CEP63: variants seen among roughly 807,000 people sequenced by gnomAD.
CEP63 encodes centrosomal protein 63, also known as centrosomal protein of 63 kDa.
Under a neutral mutation model 89.1 loss-of-function variants are expected in CEP63, and 84 were observed. The ratio of observed to expected loss-of-function variants is 0.94; its 90% CI spans 0.79 to 1.13. The LOEUF (loss-of-function observed/expected upper bound fraction) is 1.13. Ranked by LOEUF, CEP63 falls within the 50% of genes most tolerant of loss-of-function variation. The pLI is 0.00. For synonymous variants in CEP63, 267 were observed against 272.5 expected (o/e 0.98, Z 0.20); for missense variants, 838 against 813.3 (o/e 1.03, Z -0.37).
chr3:134,603,787 C>T, the CEP63 span: 46 of 1,613,144 alleles, frequency 2.9e-5, no homozygotes, highest in East Asian at 2.2e-4. Context: ...TGGGACATTC[C>T]GGTTGGCAGG....
At chr3:134,698,032 GCA>G in the CEP63 span, among the ~76,000 whole-genome samples, 2 of 152,332 alleles carry the variant, frequency 1.3e-5, no homozygotes, top group African/African-American at 4.8e-5. Flanking sequence ...AAGACTGCGT[GCA>G]CAGTCTTGCC....
chr3:134,669,227 G>A, the CEP63 span, among the ~76,000 whole-genome samples: 1 of 152,048 alleles, frequency 6.6e-6, no homozygotes, highest in Non-Finnish European at 1.5e-5. Flanking sequence ...AGAGGGTTTT[G>A]CCATGTTGCT....
chr3:134,510,448 C>G (rs1559902311), intron 3 of CEP63: 1 of 276,688 alleles, frequency 3.6e-6, no homozygotes, highest in South Asian at 4.8e-5. Flanking sequence ...GTTCACCTAT[C>G]AGCAACACCA....
At chr3:134,760,214 A>G in the CEP63 span, among the ~76,000 whole-genome samples, 3 of 151,346 alleles carry the variant, frequency 2.0e-5, no homozygotes, top group African/African-American at 7.3e-5. Flanking sequence ...GCCCGCCACC[A>G]CGCCCGGCTA....
At chr3:134,675,120 C>T in the CEP63 span, among the ~76,000 whole-genome samples, 1 of 152,196 alleles carries the variant, frequency 6.6e-6, no homozygotes, top group African/African-American at 2.4e-5. Context: ...AGAACTCATA[C>T]TTTACAGTTC....
chr3:134,651,926 T>G, the CEP63 span, among the ~76,000 whole-genome samples: 10 of 152,186 alleles, frequency 6.6e-5, no homozygotes, highest in African/African-American at 2.4e-4. Context: ...CCCACCCTGC[T>G]GGGGGCGTTC....
chr3:134,760,120 G>A, the CEP63 span, among the ~76,000 whole-genome samples: 1 of 147,498 alleles, frequency 6.8e-6, no homozygotes, highest in Non-Finnish European at 1.5e-5. Flanking sequence ...GTGCAGTGGC[G>A]CGATCTCGGC....
chr3:134,749,425 C>G, the CEP63 span, among the ~76,000 whole-genome samples: 1 of 152,096 alleles, frequency 6.6e-6, no homozygotes, highest in African/African-American at 2.4e-5. Context: ...CTGTTGCTTG[C>G]TGCAATGATT....
the CEP63 span, among the ~76,000 whole-genome samples, chr3:134,645,910 T>C: frequency 1.3e-5 from 2 of 152,194 alleles, no homozygotes; most frequent in African/African-American, 2.4e-5. Flanking sequence ...ACCCGGAAGA[T>C]GGTAAAAATA....
At chr3:134,539,555 C>T (rs146295918) in intron 6 of CEP63, among the ~76,000 whole-genome samples, 95 of 152,168 alleles carry the variant, frequency 6.2e-4, no homozygotes, top group African/African-American at 2.2e-3. Context: ...AGAAAACTAT[C>T]TTTTTACAAT....
the CEP63 span, among the ~76,000 whole-genome samples, chr3:134,717,118 A>G: frequency 6.6e-6 from 1 of 152,228 alleles, no homozygotes; most frequent in African/African-American, 2.4e-5. Context: ...TTCTTTCAGG[A>G]CATGGGAATG....
the CEP63 span, chr3:134,651,056 G>A: frequency 6.4e-7 from 1 of 1,552,118 alleles, no homozygotes; most frequent in East Asian, 2.4e-5. Context: ...ACACGGGAGA[G>A]GGCGAGGGCG....
intron 5 of CEP63, 146 bp downstream of exon 5, chr3:134,533,046 A>T (rs965734355): frequency 2.5e-6 from 2 of 809,302 alleles, no homozygotes; most frequent in Admixed American, 2.1e-5. Context: ...AGGGTGATCC[A>T]CCATACATCC....
chr3:134,507,253 T>G lies in CEP63; in HGVS notation c.189T>G (p.Ser63Arg), dbSNP rs1943697971. ...AAATCCGTGAACAGGAACTTAAGAG[T>G]CTTAGGAGTCAGTTGGATGTGACAC... is the stretch of plus-strand genomic sequence containing the variant. ...CLKIREQELK[S>R]LRSQLDVTHK... is the part of the protein sequence containing the mutation. The change falls in exon 3 of 15, where the codon AGT becomes AGG. Residue 63 changes from serine (S) to arginine (R), a missense_variant. Coordinates refer to ENST00000675561, the MANE Select transcript of CEP63 (RefSeq NM_001353108.3). 6.2e-7 allele frequency: 1 copy of G among 1,613,574 alleles called. No individual in the cohort carries two copies. Among genetic ancestry groups the G allele is most frequent in the Non-Finnish European group, 8.5e-7 (1 of 1,179,822 alleles).
rs1560059850 is a variant in CEP63, at chr3:134,562,071, G to T, written c.*536G>T. On this transcript the variant is annotated 3_prime_UTR_variant, in exon 15 of 15. Coordinates refer to ENST00000675561, the MANE Select transcript of CEP63 (RefSeq NM_001353108.3). ...CAGGCTGGTAGTGAATAAGGGGGGGGTGTGCTAAAGAACCTTATCAAGCAG... is the reference window on the plus strand; with the variant it reads ...CAGGCTGGTAGTGAATAAGGGGGGGTTGTGCTAAAGAACCTTATCAAGCAG... The T allele has an allele frequency of 5.0e-6, 5 of 994,428 alleles. No individual in the cohort carries two copies. The highest frequency in any genetic ancestry group is 1.8e-5 in the African/African-American group (1 of 57,134). 61.6% of individuals were successfully genotyped at this position (994,428 alleles called of 1,614,324 possible). A position where few individuals can be genotyped will look rare whatever the true frequency, so the allele number is the denominator to read the frequency against.
At chr3:134,516,862 C>G (rs1946363696) in intron 3 of CEP63, among the ~76,000 whole-genome samples, 2 of 152,186 alleles carry the variant, frequency 1.3e-5, no homozygotes, top group Admixed American at 1.3e-4. Flanking sequence ...GACACAGTAA[C>G]AATCTGATCT....
In CEP63 at chr3:134,561,577, C is replaced by A. The variant is rs746286860; in HGVS notation, c.*42C>A. On this transcript the variant is annotated 3_prime_UTR_variant, in exon 15 of 15. Transcript: ENST00000675561. ...CTATCTTGGAAATAAAAATAAACACCAAAGAGTTACTGTCATCTGAAGTAG... is the reference window on the plus strand; with the variant it reads ...CTATCTTGGAAATAAAAATAAACACAAAAGAGTTACTGTCATCTGAAGTAG... 4 of 1,578,480 alleles carry A rather than the reference C, an allele frequency of 2.5e-6. No homozygotes were observed. The South Asian group carries it at 4.6e-5, about 18-fold the overall frequency.
the CEP63 span, among the ~76,000 whole-genome samples, chr3:134,716,327 G>A: frequency 6.6e-6 from 1 of 152,210 alleles, no homozygotes; most frequent in Admixed American, 6.5e-5. Flanking sequence ...AGTGTTTTCA[G>A]TCTTATTCTC....
chr3:134,735,719 C>G, the CEP63 span, among the ~76,000 whole-genome samples: 1 of 151,958 alleles, frequency 6.6e-6, no homozygotes, highest in African/African-American at 2.4e-5. Flanking sequence ...GTCAAATTGG[C>G]AAATACAGAA....
Sources: allele counts gnomAD v4.1 joint callset (sites outside exome capture counted in the v4.1 genomes callset), GRCh38; gene constraint gnomAD v4.1.1; transcripts MANE v1.5; gene names NCBI Gene and HGNC (gene_info 2026-07-23, HGNC 2026-07-21).